PKIG: variants seen among roughly 807,000 people sequenced by gnomAD.
The protein encoded by PKIG is protein kinase (cAMP-dependent, catalytic) inhibitor gamma.
Under a neutral mutation model 6.8 loss-of-function variants are expected in PKIG, and 1 was observed. The observed-to-expected ratio is 0.15, with a 90% CI of 0.05 to 0.69. PKIG has a LOEUF of 0.69. Among genes scored for constraint, PKIG ranks in the 30% least tolerant of loss-of-function variants. The pLI is 0.82. For missense variants in PKIG, 77 were observed against 104.0 expected (o/e 0.74, Z 1.13); for synonymous variants, 39 against 43.0 (o/e 0.91, Z 0.36).
At chr20:44,607,952 T>TC (rs1568833992) in intron 2 of PKIG, among the ~76,000 whole-genome samples, 2 of 146,022 alleles carry the variant, frequency 1.4e-5, no homozygotes, top group African/African-American at 2.5e-5. Context: ...CGCCTCGGCC[T>TC]CCCAAAGTTC....
chr20:44,585,272 T>A (rs552051638), intron 1 of PKIG: 1 of 152,514 alleles, frequency 6.6e-6, no homozygotes, highest in East Asian at 1.9e-4. Context: ...TTGCTCCTGT[T>A]ATCAGTGTGT....
intron 1 of PKIG, among the ~76,000 whole-genome samples, chr20:44,544,223 C>T (rs2064589939): frequency 6.6e-6 from 1 of 152,100 alleles, no homozygotes; most frequent in Non-Finnish European, 1.5e-5. Flanking sequence ...TGGGCTTAGG[C>T]CTGGTTCTTG....
chr20:44,578,168 A>G (rs369643352), upstream of PKIG, among the ~76,000 whole-genome samples: 38 of 151,868 alleles, frequency 2.5e-4, no homozygotes, highest in East Asian at 2.7e-3. Context: ...GTGAAACCCC[A>G]TCTCTACTAA....
chr20:44,540,896 G>T (rs2064555797), intron 1 of PKIG, among the ~76,000 whole-genome samples: 1 of 152,136 alleles, frequency 6.6e-6, no homozygotes, highest in Non-Finnish European at 1.5e-5. Flanking sequence ...TGATGTTTTT[G>T]ATTCTCTGGT....
intron 1 of PKIG, among the ~76,000 whole-genome samples, chr20:44,588,271 G>T (rs1294997979): frequency 1.3e-5 from 2 of 152,220 alleles, no homozygotes; most frequent in African/African-American, 2.4e-5. Context: ...CACAAATGGT[G>T]GCGTTAAGAA....
intron 1 of PKIG, among the ~76,000 whole-genome samples, chr20:44,540,132 C>T (rs572922512): frequency 2.0e-4 from 30 of 151,330 alleles, no homozygotes; most frequent in African/African-American, 7.3e-4. Flanking sequence ...GGCTAATTTT[C>T]GTATTTTTAG....
chr20:44,569,044 G>A (rs1289206942), intron 1 of PKIG, among the ~76,000 whole-genome samples: 1 of 152,146 alleles, frequency 6.6e-6, no homozygotes, highest in Non-Finnish European at 1.5e-5. Context: ...TTTTAGACCA[G>A]TTGTAGGTTC....
chr20:44,540,928 G>T (rs113248116), intron 1 of PKIG, among the ~76,000 whole-genome samples: 1,766 of 152,230 alleles, frequency 0.012, 43 homozygotes, highest in African/African-American at 0.041. Flanking sequence ...TAGAGTAAAT[G>T]ATTCTAACCA....
At chr20:44,604,965 C>G (rs2065151017) in intron 2 of PKIG, among the ~76,000 whole-genome samples, 1 of 151,524 alleles carries the variant, frequency 6.6e-6, no homozygotes, top group Non-Finnish European at 1.5e-5. Flanking sequence ...AGTTAAATGA[C>G]TATTAAGTTT....
chr20:44,599,019 A>T (rs1359435440), intron 2 of PKIG: 1 of 152,190 alleles, frequency 6.6e-6, no homozygotes. Flanking sequence ...AAGATTCTGA[A>T]GGTTTGTATC....
intron 1 of PKIG, among the ~76,000 whole-genome samples, chr20:44,555,312 T>C (rs2064703700): frequency 6.6e-6 from 1 of 152,226 alleles, no homozygotes; most frequent in Non-Finnish European, 1.5e-5. Flanking sequence ...GGAATAGTGC[T>C]TAACAGTGTA....
intron 1 of PKIG, among the ~76,000 whole-genome samples, chr20:44,551,320 C>T (rs1400650802): frequency 6.6e-6 from 1 of 152,174 alleles, no homozygotes; most frequent in Non-Finnish European, 1.5e-5. Flanking sequence ...TCCCAAAGTG[C>T]TGGGATTACA....
intron 2 of PKIG, among the ~76,000 whole-genome samples, chr20:44,593,154 A>G (rs963316669): frequency 2.1e-5 from 3 of 140,478 alleles, no homozygotes; most frequent in African/African-American, 8.9e-5. Flanking sequence ...CCCTGTTTCT[A>G]TAAAAGAAAA....
At chr20:44,564,795 A>G (rs934530284) in intron 1 of PKIG, among the ~76,000 whole-genome samples, 2 of 152,188 alleles carry the variant, frequency 1.3e-5, no homozygotes, top group African/African-American at 2.4e-5. Context: ...GTAACTTTCT[A>G]TAACACTCCA....
At chr20:44,609,354 T>C (rs577075368) in intron 2 of PKIG, among the ~76,000 whole-genome samples, 3 of 152,304 alleles carry the variant, frequency 2.0e-5, no homozygotes, top group Admixed American at 6.5e-5. Flanking sequence ...AGCATGAAGC[T>C]GGCCTTTCAG....
chr20:44,559,301 T>C (rs1192314129), intron 1 of PKIG, among the ~76,000 whole-genome samples: 1 of 152,228 alleles, frequency 6.6e-6, no homozygotes, highest in African/African-American at 2.4e-5. Context: ...AAAAAATCTA[T>C]AAATGAGATC....
At chr20:44,537,500 C>T (rs1439423719) in intron 1 of PKIG, among the ~76,000 whole-genome samples, 1 of 151,946 alleles carries the variant, frequency 6.6e-6, no homozygotes, top group African/African-American at 2.4e-5. Context: ...TCCCAAAGTG[C>T]TGGGATTACA....
At chr20:44,536,621 G>A (rs966134535) in intron 1 of PKIG, among the ~76,000 whole-genome samples, 9 of 152,302 alleles carry the variant, frequency 5.9e-5, no homozygotes, top group African/African-American at 2.2e-4. Flanking sequence ...GAGGAAATAA[G>A]GCTGGAGAGC....
At chr20:44,591,544 G>A (rs2065033637) in intron 2 of PKIG, among the ~76,000 whole-genome samples, 1 of 139,002 alleles carries the variant, frequency 7.2e-6, no homozygotes, top group Non-Finnish European at 1.5e-5. Context: ...ACTTCAAGAA[G>A]GCAAAGGACA....
Sources: allele counts gnomAD v4.1 joint callset (sites outside exome capture counted in the v4.1 genomes callset), GRCh38; gene constraint gnomAD v4.1.1; transcripts MANE v1.5; gene names NCBI Gene and HGNC (gene_info 2026-07-23, HGNC 2026-07-21).